Variants in SVIL observed in about 807,000 individuals in gnomAD.
SVIL encodes archvillin.
SVIL carries 101 observed loss-of-function variants against 240.4 expected under a neutral mutation model. That is an observed-to-expected ratio of 0.42 (90% CI 0.36 to 0.50). The LOEUF is 0.50. SVIL is among the 20% of genes least tolerant of loss of function. SVIL has a pLI of 0.01. For synonymous variants in SVIL, 999 were observed against 1,100.0 expected (o/e 0.91, Z 1.82); for missense variants, 2,512 against 2,818.7 (o/e 0.89, Z 2.46).
At chr10:29,724,004 G>C (rs138250901) in intron 1 of SVIL, among the ~76,000 whole-genome samples, 1,584 of 152,274 alleles carry the variant, frequency 0.01, 5 homozygotes, top group Non-Finnish European at 0.016. Flanking sequence ...TGTGTTTAGA[G>C]AGACTTGGGT....
chr10:29,525,826 A>G (rs1216773721), intron 13 of SVIL, among the ~76,000 whole-genome samples: 5 of 152,144 alleles, frequency 3.3e-5, no homozygotes, highest in Non-Finnish European at 5.9e-5. Context: ...TCCCAGGCCA[A>G]AGAGTAGCCA....
At chr10:29,479,608 A>G (rs1946603812) in intron 29 of SVIL, among the ~76,000 whole-genome samples, 2 of 152,182 alleles carry the variant, frequency 1.3e-5, no homozygotes, top group South Asian at 4.1e-4. Flanking sequence ...GTCCCTACAA[A>G]GTGTCTTCCG....
Position 29,487,450 on chromosome 10 carries a change from G to T in SVIL, c.4349-151C>A, listed in dbSNP as rs1947519321. On this transcript the variant is annotated intron_variant, in intron 23 of 37. Transcript: ENST00000355867. ...CCATGGCCCAGGGTGGCAGCAGGGG[G>T]ATTTAGAAAGGGCATGATGATGGCA... 96 of 839,366 alleles carry T rather than the reference G, an allele frequency of 1.1e-4. 7 individuals carry two copies. In the South Asian group the frequency reaches 1.8e-3, roughly 15 times the overall value. The allele number at this position is 839,366 out of a possible 1,614,324, so 52.0% of individuals were successfully genotyped here. A position where few individuals can be genotyped will look rare whatever the true frequency, so the allele number is the denominator to read the frequency against.
intron 16 of SVIL, among the ~76,000 whole-genome samples, chr10:29,518,991 C>T (rs1950394265): frequency 6.6e-6 from 1 of 152,176 alleles, no homozygotes; most frequent in African/African-American, 2.4e-5. Flanking sequence ...ACTGACACAA[C>T]AAGGCTGAAG....
intron 1 of SVIL, among the ~76,000 whole-genome samples, chr10:29,594,116 G>C (rs1477038341): frequency 2.6e-5 from 4 of 152,070 alleles, no homozygotes; most frequent in African/African-American, 9.7e-5. Context: ...CACAAACTCT[G>C]TTTCATACAC....
chr10:29,512,012 C>A (rs763474228), intron 17 of SVIL, among the ~76,000 whole-genome samples: 4 of 152,192 alleles, frequency 2.6e-5, no homozygotes, highest in Non-Finnish European at 4.4e-5. Context: ...GAGTGTGTCA[C>A]CGGTGCATCA....
chr10:29,604,591 G>T (rs1176152055), intron 1 of SVIL, among the ~76,000 whole-genome samples: 1 of 151,306 alleles, frequency 6.6e-6, no homozygotes, highest in Non-Finnish European at 1.5e-5. Flanking sequence ...GATTGATAGG[G>T]TCCTGCTCTG....
At chr10:29,533,498 A>T in intron 7 of SVIL, 40 bp from the exon 8 acceptor site, 1 of 1,577,336 alleles carries the variant, frequency 6.3e-7, no homozygotes, top group South Asian at 1.2e-5. Context: ...AAAGTGCAGT[A>T]ACGGCCTCAC....
At chr10:29,546,994 G>A (rs772824162) in intron 6 of SVIL, among the ~76,000 whole-genome samples, 16 of 152,036 alleles carry the variant, frequency 1.1e-4, no homozygotes, top group Admixed American at 6.5e-4. Flanking sequence ...TAAAGTTTTC[G>A]GTTACATGTT....
Position 29,467,865 on chromosome 10 carries a change from C to A in SVIL, c.5854G>T (p.Glu1952Ter), listed in dbSNP as rs374147463. 32 of 1,614,024 alleles carry A rather than the reference C, an allele frequency of 2.0e-5. No homozygotes were observed. The highest frequency in any genetic ancestry group is 2.6e-5 in the Non-Finnish European group (31 of 1,180,022). Reference protein sequence around the residue: ...ANKIKEQCPLEAGLHSSSKVT... With the variant: ...ANKIKEQCPL ...TTGCTGCTACTATGCAGTCCTGCTT[C>A]CAGGGGACATCTGCAAGGGAGAAAC... Residue 1952 changes from glutamate (E) to a stop codon, truncating the protein, a stop_gained, in exon 33 of 38, where the codon GAA becomes TAA. Coordinates refer to ENST00000355867, the MANE Select transcript of SVIL (RefSeq NM_021738.3). LOFTEE classifies it high-confidence loss of function.
At chr10:29,464,041 G>A (rs533965800) in intron 34 of SVIL, among the ~76,000 whole-genome samples, 3 of 152,320 alleles carry the variant, frequency 2.0e-5, no homozygotes, top group South Asian at 2.1e-4. Flanking sequence ...ACACTGGAGC[G>A]CACATCTCAC....
At chr10:29,468,624 GTA>G (rs531013101) in intron 32 of SVIL, among the ~76,000 whole-genome samples, 2 of 150,490 alleles carry the variant, frequency 1.3e-5, no homozygotes, top group African/African-American at 2.4e-5. Flanking sequence ...AATAGTAGGT[GTA>G]TATATATATA....
chr10:29,652,220 C>T (rs1021617184), intron 3 of SVIL, among the ~76,000 whole-genome samples: 11 of 152,184 alleles, frequency 7.2e-5, no homozygotes, highest in African/African-American at 2.2e-4. Context: ...CACCATACAC[C>T]CCCTGTCGTA....
At chr10:29,632,303 C>A (rs1564721233) in intron 1 of SVIL, among the ~76,000 whole-genome samples, 1 of 152,004 alleles carries the variant, frequency 6.6e-6, no homozygotes, top group South Asian at 2.1e-4. Flanking sequence ...CCAACCTGGG[C>A]AACATGATGA....
chr10:29,524,335 G>A (rs1322825992), intron 14 of SVIL, 137 bp downstream of exon 14: 1 of 1,355,766 alleles, frequency 7.4e-7, no homozygotes, highest in Non-Finnish European at 1.0e-6. Context: ...TAGGAAGAAA[G>A]CTATTACCAA....
At chr10:29,678,425 C>A (rs1030277209) in intron 2 of SVIL, among the ~76,000 whole-genome samples, 5 of 152,102 alleles carry the variant, frequency 3.3e-5, no homozygotes, top group Admixed American at 6.6e-5. Flanking sequence ...GCTGATCCGA[C>A]AGGAGGCGGA....
chr10:29,528,322 A>G (rs1004115368), intron 12 of SVIL, among the ~76,000 whole-genome samples: 9 of 152,210 alleles, frequency 5.9e-5, no homozygotes, highest in African/African-American at 2.2e-4. Context: ...AGGTCTACAG[A>G]ACGGGGCACT....
In SVIL at chr10:29,554,317, AT is replaced by A. The variant is rs374503823; in HGVS notation, c.160+465del. ...GAGTGAGACTCTGTCTCTAAAAAAA[AT>A]AAAAATAAAAATAAACAAAAAACAA... is the stretch of plus-strand genomic sequence containing the variant. On this transcript the variant is annotated intron_variant, in intron 5 of 37. Transcript: ENST00000355867. Among the ~76,000 whole-genome samples, 260 of 152,026 alleles carry A rather than the reference AT, an allele frequency of 1.7e-3. 9 individuals are homozygous for A. In the South Asian group the frequency reaches 0.052, roughly 31 times the overall value.
At chr10:29,689,026 T>A (rs1390431530) in intron 1 of SVIL, among the ~76,000 whole-genome samples, 1 of 152,144 alleles carries the variant, frequency 6.6e-6, no homozygotes, top group Non-Finnish European at 1.5e-5. Flanking sequence ...ATATATACAG[T>A]GCAAATAAAC....
Sources: gnomAD v4.1 joint callset for allele counts (sites outside exome capture counted in the v4.1 genomes callset) on GRCh38, gnomAD v4.1.1 for gene constraint, MANE v1.5 for transcripts, NCBI Gene and HGNC (gene_info 2026-07-23, HGNC 2026-07-21) for gene names.